The following RARB variants were observed in gnomAD, a reference collection of about 807,000 sequenced individuals.
RARB encodes HBV-activated protein.
Under a neutral mutation model 51.9 loss-of-function variants are expected in RARB, and 17 were observed. That is an observed-to-expected ratio of 0.33 (90% CI 0.22 to 0.49). RARB has a LOEUF of 0.49. Among genes scored for constraint, RARB ranks in the 20% least tolerant of loss-of-function variants. The probability of loss-of-function intolerance (pLI) is 0.99; values close to 1 mark genes in which losing one functional copy is unlikely to be tolerated. For missense variants in RARB, 369 were observed against 550.8 expected (o/e 0.67, Z 3.30); for synonymous variants, 215 against 195.4 (o/e 1.10, Z -0.84).
intron 1 of RARB, among the ~76,000 whole-genome samples, chr3:25,454,420 A>C (rs986669507): frequency 2.6e-5 from 4 of 152,116 alleles, no homozygotes; most frequent in African/African-American, 9.7e-5. Context: ...AGCTGAAATT[A>C]CTCCCTTCCA....
In RARB at chr3:25,431,512, C is replaced by T. The variant is rs560882092; in HGVS notation, c.157+2624C>T. 4.6e-5 allele frequency among the ~76,000 whole-genome samples: 7 copies of T among 152,216 alleles called. No individual in the cohort carries two copies. In the South Asian group the frequency reaches 1.5e-3, roughly 32 times the overall value. ...GTCTAAATATTACGATTGACGACTG[C>T]CCCTGGAAGGTATAGGAGTCACTAA... On this transcript the variant is annotated intron_variant, in intron 1 of 7. Coordinates refer to ENST00000330688, the MANE Select transcript of RARB (RefSeq NM_000965.5).
rs755446014 is a variant in RARB at position 25,315,926 on chromosome 3, ATC to A, written c.178+141355_178+141356del. 2.6e-5 allele frequency among the ~76,000 whole-genome samples: 4 copies of A among 152,114 alleles called. No homozygotes were observed. In the East Asian group the frequency reaches 5.8e-4, roughly 22 times the overall value. ...GAACCACCGCACCTGACCTACATTA[ATC>A]TCTGTCACCATACCATTTAGTTTTC... is the stretch of plus-strand genomic sequence containing the variant. On this transcript the variant is annotated intron_variant, in intron 5 of 11. Coordinates refer to the RARB transcript ENST00000383772.
chr3:24,914,969 T>C (rs1313722949), intron 2 of RARB, among the ~76,000 whole-genome samples: 7 of 152,216 alleles, frequency 4.6e-5, no homozygotes, highest in Non-Finnish European at 8.8e-5. Context: ...CTTTGCAGGA[T>C]GGACCCAGCT....
intron 3 of RARB, among the ~76,000 whole-genome samples, chr3:25,538,029 T>C (rs1699214309): frequency 6.6e-6 from 1 of 152,198 alleles, no homozygotes; most frequent in South Asian, 2.1e-4. Context: ...TCTCTGGAAG[T>C]TTTCAGGGGC....
chr3:25,296,203 A>G (rs577224156), intron 5 of RARB, among the ~76,000 whole-genome samples: 3 of 152,352 alleles, frequency 2.0e-5, no homozygotes, highest in African/African-American at 7.2e-5. Flanking sequence ...ATCATGAAGT[A>G]TTCCAGAAAC....
chr3:25,306,599 A>G (rs1315030712), intron 5 of RARB, among the ~76,000 whole-genome samples: 2 of 152,172 alleles, frequency 1.3e-5, no homozygotes, highest in Non-Finnish European at 2.9e-5. Flanking sequence ...TGCAACTGAA[A>G]CATATTGATT....
At chr3:25,510,255 A>G (rs1037119638) in intron 3 of RARB, among the ~76,000 whole-genome samples, 1 of 152,210 alleles carries the variant, frequency 6.6e-6, no homozygotes, top group Non-Finnish European at 1.5e-5. Context: ...TTCTCTAAAC[A>G]ATGAAGTTCT....
intron 5 of RARB, among the ~76,000 whole-genome samples, chr3:25,336,433 T>C (rs1254815232): frequency 6.6e-6 from 1 of 152,224 alleles, no homozygotes; most frequent in Non-Finnish European, 1.5e-5. Flanking sequence ...AAATGTATTT[T>C]ATTCATTTAG....
intron 1 of RARB, among the ~76,000 whole-genome samples, chr3:24,839,550 A>G (rs1321561959): frequency 1.4e-5 from 2 of 142,194 alleles, no homozygotes; most frequent in Non-Finnish European, 3.0e-5. Context: ...AAAAAAAAAA[A>G]TACAGAAGTT....
intron 5 of RARB, among the ~76,000 whole-genome samples, chr3:25,195,258 C>T (rs892895528): frequency 6.6e-6 from 1 of 151,934 alleles, no homozygotes. Flanking sequence ...TCCTCATCAA[C>T]CCAGGCCTAG....
chr3:25,245,268 T>G (rs993149132), intron 5 of RARB, among the ~76,000 whole-genome samples: 2 of 152,116 alleles, frequency 1.3e-5, no homozygotes, highest in Non-Finnish European at 2.9e-5. Flanking sequence ...ATTTGCCAAT[T>G]TGTGCCTTTT....
At chr3:24,874,017 C>T (rs1235029757) in intron 2 of RARB, among the ~76,000 whole-genome samples, 1 of 151,970 alleles carries the variant, frequency 6.6e-6, no homozygotes, top group Non-Finnish European at 1.5e-5. Context: ...ATTTACATAG[C>T]ATTTAAATTG....
At chr3:25,105,510 T>C (rs1354873157) in intron 3 of RARB, among the ~76,000 whole-genome samples, 1 of 151,910 alleles carries the variant, frequency 6.6e-6, no homozygotes, top group Non-Finnish European at 1.5e-5. Flanking sequence ...GCTTCTGATA[T>C]AATAGCCTTA....
At chr3:25,153,962 T>G (rs893685680) in intron 4 of RARB, among the ~76,000 whole-genome samples, 3 of 152,222 alleles carry the variant, frequency 2.0e-5, no homozygotes, top group African/African-American at 7.2e-5. Context: ...GAAGAATATG[T>G]TGTCTCTAAA....
intron 2 of RARB, among the ~76,000 whole-genome samples, chr3:24,952,369 A>G (rs1575088190): frequency 6.6e-6 from 1 of 152,322 alleles, no homozygotes; most frequent in Middle Eastern, 3.4e-3. Flanking sequence ...ACCCAATGAA[A>G]TACACATTAT....
chr3:25,428,713 A>T lies in RARB; in HGVS notation c.-19A>T, dbSNP rs759031895. On this transcript the variant is annotated 5_prime_UTR_variant, in exon 1 of 8. Transcript: ENST00000330688. ...CTAGAGGATAAGCACTTTTGCAGAC[A>T]TTCAGTGCAAGGGAGATCATGTTTG... The T allele has an allele frequency of 1.3e-6, 2 of 1,598,086 alleles. No individual in the cohort carries two copies. The highest frequency in any genetic ancestry group is 1.7e-6 in the Non-Finnish European group (2 of 1,167,554).
chr3:25,196,224 C>T (rs1240315144), intron 5 of RARB, among the ~76,000 whole-genome samples: 1 of 151,996 alleles, frequency 6.6e-6, no homozygotes, highest in East Asian at 1.9e-4. Flanking sequence ...TCCCCCATCC[C>T]CTCACCCCAC....
chr3:25,357,934 G>C (rs1197285992), intron 5 of RARB, among the ~76,000 whole-genome samples: 1 of 152,128 alleles, frequency 6.6e-6, no homozygotes, highest in Non-Finnish European at 1.5e-5. Context: ...TTTGAAGTCA[G>C]GTAGCATGAT....
chr3:25,582,209 T>A (rs941147567), intron 5 of RARB, among the ~76,000 whole-genome samples: 1 of 152,156 alleles, frequency 6.6e-6, no homozygotes, highest in Admixed American at 6.5e-5. Context: ...GAATAATGAA[T>A]GAAAATTACT....
Sources: allele counts gnomAD v4.1 joint callset (sites outside exome capture counted in the v4.1 genomes callset), GRCh38; gene constraint gnomAD v4.1.1; transcripts MANE v1.5; gene names NCBI Gene and HGNC (gene_info 2026-07-23, HGNC 2026-07-21).